The following SLC6A4 variants were observed in gnomAD, a reference collection of about 807,000 sequenced individuals.
The protein encoded by SLC6A4 is sodium-dependent serotonin transporter.
Under a neutral mutation model 73.4 loss-of-function variants are expected in SLC6A4, and 22 were observed. The ratio of observed to expected loss-of-function variants is 0.30; its 90% confidence interval spans 0.21 to 0.43. The LOEUF (loss-of-function observed/expected upper bound fraction) is 0.43, where lower values mean the gene tolerates loss of function less well. Ranked by LOEUF, SLC6A4 falls within the 20% of genes least tolerant of loss-of-function variation. The probability of loss-of-function intolerance (pLI) is 1.00; values close to 1 mark genes in which losing one functional copy is unlikely to be tolerated. For synonymous variants in SLC6A4, 270 were observed against 315.5 expected (o/e 0.86, Z 1.53); for missense variants, 593 against 808.5 (o/e 0.73, Z 3.23).
intron 1 of SLC6A4, among the ~76,000 whole-genome samples, chr17:30,227,015 A>G (rs1217328288): frequency 6.6e-6 from 1 of 152,238 alleles, no homozygotes; most frequent in East Asian, 1.9e-4. Flanking sequence ...TGGTGCTGCC[A>G]CACATCCCGT....
Position 30,210,546 on chromosome 17 carries a change from C to G in SLC6A4, c.1418G>C (p.Cys473Ser), listed in dbSNP as rs766432633. Residue 473 changes from cysteine (C) to serine (S), a missense_variant, in exon 11 of 15, where the codon TGC becomes TCC. Coordinates refer to ENST00000650711, the MANE Select transcript of SLC6A4 (RefSeq NM_001045.6). The part of the protein sequence containing the change: ...ERFVLAVVIT[C>S]FFGSLVTLTF... The stretch of plus-strand genomic sequence containing the variant: ...CAGGGTGACCAGGGATCCAAAGAAG[C>G]AGGTGATGACCACGGCGAGCACGAA... 1 of 1,613,704 alleles carries G rather than the reference C, an allele frequency of 6.2e-7. No homozygotes were observed. Among genetic ancestry groups the G allele is most frequent in the Admixed American group, 1.7e-5 (1 of 59,978 alleles).
In SLC6A4 at chr17:30,222,079, ACT is replaced by A. The variant is rs748746901; in HGVS notation, c.-123_-122del. ...CGTCGGGATTGACACGTCGGGATTG[ACT>A]CTGTTGGAAAGACACACAGAGGAAG... is the stretch of plus-strand genomic sequence containing the variant. On this transcript the variant is annotated splice_region_variant and 5_prime_UTR_variant, in exon 3 of 15. An upstream open reading frame in the 5' UTR gains an earlier in-frame stop. Coordinates refer to ENST00000650711, the MANE Select transcript of SLC6A4 (RefSeq NM_001045.6). 9.0e-6 allele frequency: 14 copies of A among 1,560,906 alleles called. No individual in the cohort carries two copies. The South Asian group carries it at 1.3e-4, about 14-fold the overall frequency.
intron 13 of SLC6A4, among the ~76,000 whole-genome samples, chr17:30,205,755 TG>T (rs1567816020): frequency 6.6e-6 from 1 of 152,188 alleles, no homozygotes; most frequent in African/African-American, 2.4e-5. Flanking sequence ...AGAGGAATTC[TG>T]GGGTACAGAG....
rs763174560 is a variant in SLC6A4 at position 30,199,899 on chromosome 17, C to CTT, written c.1819-1371_1819-1370dup. ...TAGACAGAGATCACTATAACGAGTC[C>CTT]TTTTTTTTTTTTTTTAAGAGTCAGG... On this transcript the variant is annotated intron_variant, in intron 14 of 14. Coordinates refer to ENST00000650711, the MANE Select transcript of SLC6A4 (RefSeq NM_001045.6). Among the ~76,000 whole-genome samples, 296 of 142,218 alleles carry CTT rather than the reference C, an allele frequency of 2.1e-3. 1 individual carries two copies. The highest frequency in any genetic ancestry group is 7.1e-3 in the African/African-American group (277 of 38,938). 93.3% of individuals were successfully genotyped at this position (142,218 alleles called of 152,430 possible).
At chr17:30,216,255 AGG>A in intron 6 of SLC6A4, 39 bp from the exon 7 acceptor site, 1 of 154,908 alleles carries the variant, frequency 6.5e-6, no homozygotes, top group African/African-American at 7.2e-5. Context: ...TGTTCCAGGG[AGG>A]GGAGGGGAGG....
Position 30,215,768 on chromosome 17 carries a change from C to T in SLC6A4, c.973-54G>A, listed in dbSNP as rs1906552582. The T allele has an allele frequency of 5.3e-6, 8 of 1,506,118 alleles. No individual in the cohort carries two copies. In the Admixed American group the frequency reaches 6.7e-5, roughly 13 times the overall value. 93.3% of individuals were successfully genotyped at this position (1,506,118 alleles called of 1,614,324 possible). A position where few individuals can be genotyped will look rare whatever the true frequency, so the allele number is the denominator to read the frequency against. On this transcript the variant is annotated intron_variant, in intron 7 of 14. Coordinates refer to ENST00000650711, the MANE Select transcript of SLC6A4 (RefSeq NM_001045.6). ...GGTGAGGGGGAGACACAGGCTTACC[C>T]TGGCACCAACAGGGTCGCCACTCCT...
rs947268593 is a variant in SLC6A4 at position 30,235,413 on chromosome 17, T to C, written c.-221+200A>G. Reference sequence around the variant, plus strand: ...ACTCCACGTTCCTCGTCTCCCACTCTGGCCGGTCAGCTTCAGCTCTGGCTC... The same window carrying C: ...ACTCCACGTTCCTCGTCTCCCACTCCGGCCGGTCAGCTTCAGCTCTGGCTC... On this transcript the variant is annotated intron_variant, in intron 1 of 14. Transcript: ENST00000650711. This position sits in a 1 kb window ranked among gnomAD's most constrained non-coding sequence, Gnocchi z 4.5. Among the ~76,000 whole-genome samples, 1 of 152,186 alleles carries C rather than the reference T, an allele frequency of 6.6e-6. No homozygotes were observed. Among genetic ancestry groups the C allele is most frequent in the Non-Finnish European group, 1.5e-5 (1 of 68,008 alleles).
intron 1 of SLC6A4, among the ~76,000 whole-genome samples, chr17:30,231,039 CA>C: frequency 6.6e-6 from 1 of 152,190 alleles, no homozygotes; most frequent in East Asian, 1.9e-4. Context: ...TACAGTCTCA[CA>C]GAGTAACACT....
At chr17:30,213,947 A>G (rs1331514057) in intron 8 of SLC6A4, among the ~76,000 whole-genome samples, 1 of 151,752 alleles carries the variant, frequency 6.6e-6, no homozygotes, top group Non-Finnish European at 1.5e-5. Flanking sequence ...GGATCTCACC[A>G]TGTTGCCCAG....
chr17:30,211,782 A>G lies in SLC6A4; in HGVS notation c.1205-358T>C, dbSNP rs557205330. On this transcript the variant is annotated intron_variant, in intron 9 of 14. Coordinates refer to ENST00000650711, the MANE Select transcript of SLC6A4 (RefSeq NM_001045.6). The surrounding 1 kb of genome is among the most constrained non-coding windows in gnomAD (Gnocchi z 4.0). The stretch of plus-strand genomic sequence containing the variant: ...TCTCAGGACCAGGATTGATATTTCT[A>G]AAGTCCATGACAGTTAGCCCCCTCT... 9.8e-5 allele frequency among the ~76,000 whole-genome samples: 15 copies of G among 152,326 alleles called. No individual in the cohort carries two copies. Among genetic ancestry groups the G allele is most frequent in the African/African-American group, 3.4e-4 (14 of 41,570 alleles).
At chr17:30,225,675 C>CCAGGCTGAGCTGGTGA (rs1471252808) in intron 1 of SLC6A4, among the ~76,000 whole-genome samples, 2 of 152,092 alleles carry the variant, frequency 1.3e-5, no homozygotes, top group Non-Finnish European at 2.9e-5. Context: ...TGCTGTTGTT[C>CCAGGCTGAGCTGGTGA]CAGGCTGAGC....
chr17:30,235,496 A>ACCTCCTCG lies in SLC6A4; in HGVS notation c.-221+109_-221+116dup, dbSNP rs1907243550. Reference sequence around the variant, plus strand: ...CGGCGCCCACCGCTGGGGCGCATGCACCTCCTCGCCTCCTCGCAGGGCGGT... The same window carrying ACCTCCTCG: ...CGGCGCCCACCGCTGGGGCGCATGCACCTCCTCGCCTCCTCGCCTCCTCGCAGGGCGGT... On this transcript the variant is annotated intron_variant, in intron 1 of 14. Coordinates refer to ENST00000650711, the MANE Select transcript of SLC6A4 (RefSeq NM_001045.6). The surrounding 1 kb of genome is among the most constrained non-coding windows in gnomAD (Gnocchi z 4.5). 6.6e-6 allele frequency: 1 copy of ACCTCCTCG among 152,030 alleles called. No homozygotes were observed. The highest frequency in any genetic ancestry group is 1.5e-5 in the Non-Finnish European group (1 of 68,014). 9.4% of individuals were successfully genotyped at this position (152,030 alleles called of 1,614,324 possible). A position where few individuals can be genotyped will look rare whatever the true frequency, so the allele number is the denominator to read the frequency against.
chr17:30,223,600 A>G (rs1166167138), intron 1 of SLC6A4, among the ~76,000 whole-genome samples: 3 of 152,224 alleles, frequency 2.0e-5, no homozygotes, highest in Non-Finnish European at 2.9e-5. Flanking sequence ...GAAAATAAAA[A>G]TTTTAAAGGG....
chr17:30,233,793 T>C (rs534866205), intron 1 of SLC6A4, among the ~76,000 whole-genome samples: 6 of 152,344 alleles, frequency 3.9e-5, no homozygotes, highest in African/African-American at 1.4e-4. Context: ...CCATATCCTG[T>C]TGATTCATGA....
At position 30,198,298 on chromosome 17, in the gene SLC6A4, C is replaced by G. The variant is rs1387503531; in HGVS notation, c.*158G>C. Reference sequence around the variant, plus strand: ...ATCCATGGAAATAAGTGGCTGGAGGCCTTGAGTCTGGGCACCAGACTGTGT... The same window carrying G: ...ATCCATGGAAATAAGTGGCTGGAGGGCTTGAGTCTGGGCACCAGACTGTGT... On this transcript the variant is annotated 3_prime_UTR_variant, in exon 15 of 15. Coordinates refer to ENST00000650711, the MANE Select transcript of SLC6A4 (RefSeq NM_001045.6). 1.1e-5 allele frequency: 6 copies of G among 541,300 alleles called. No homozygotes were observed. The African/African-American group carries it at 1.2e-4, about 11-fold the overall frequency. 33.5% of individuals were successfully genotyped at this position (541,300 alleles called of 1,614,324 possible).
chr17:30,199,422 T>C (rs1905961263), intron 14 of SLC6A4, among the ~76,000 whole-genome samples: 3 of 152,152 alleles, frequency 2.0e-5, no homozygotes. Flanking sequence ...AAGCAGACAA[T>C]TTGGATCTGA....
Position 30,235,536 on chromosome 17 carries a change from C to T in SLC6A4, c.-221+77G>A, listed in dbSNP as rs1907245484. 6.6e-6 allele frequency: 1 copy of T among 152,226 alleles called. No individual in the cohort carries two copies. The highest frequency in any genetic ancestry group is 6.5e-5 in the Admixed American group (1 of 15,292). 9.4% of individuals were successfully genotyped at this position (152,226 alleles called of 1,614,324 possible). A position where few individuals can be genotyped will look rare whatever the true frequency, so the allele number is the denominator to read the frequency against. ...CGCAGGGCGGTGGGGCGCAGCGGTT[C>T]TATCCCCCTCCCCGAGGCGGGGAAG... On this transcript the variant is annotated intron_variant, in intron 1 of 14. Transcript: ENST00000650711. The surrounding 1 kb of genome is among the most constrained non-coding windows in gnomAD (Gnocchi z 4.5).
Position 30,205,732 on chromosome 17 carries a change from G to A in SLC6A4, c.1650+2000C>T, listed in dbSNP as rs931399060. On this transcript the variant is annotated intron_variant, in intron 13 of 14. Transcript: ENST00000650711. ...TTTTGGAAACCTCCAGGGTCTGGGG[G>A]AAAGGAAGTCAAAGAGGAATTCTGG... is the stretch of plus-strand genomic sequence containing the variant. Among the ~76,000 whole-genome samples the A allele has an allele frequency of 2.0e-5, 3 of 152,312 alleles. No homozygotes were observed. The South Asian group carries it at 6.2e-4, about 32-fold the overall frequency.
At chr17:30,202,367 C>T (rs940598383) in intron 14 of SLC6A4, among the ~76,000 whole-genome samples, 4 of 152,128 alleles carry the variant, frequency 2.6e-5, no homozygotes, top group African/African-American at 7.2e-5. Context: ...TCAGGTGATC[C>T]ACATGCCTTG....
Sources: gnomAD v4.1 joint callset for allele counts (sites outside exome capture counted in the v4.1 genomes callset) on GRCh38, gnomAD v4.1.1 for gene constraint, Gnocchi (gnomAD v3.1) non-coding constraint, MANE v1.5 for transcripts, NCBI Gene and HGNC (gene_info 2026-07-23, HGNC 2026-07-21) for gene names.